TUSC3: variants seen among roughly 807,000 people sequenced by gnomAD.
The protein encoded by TUSC3 is tumor suppressor candidate 3.
Under a neutral mutation model 44.8 loss-of-function variants are expected in TUSC3, and 45 were observed. The observed-to-expected ratio is 1.00, with a 90% CI of 0.79 to 1.29. The LOEUF is 1.29. Ranked by LOEUF, TUSC3 falls within the 50% of genes most tolerant of loss-of-function variation. TUSC3 has a pLI of 0.00. For missense variants in TUSC3, 519 were observed against 437.9 expected (o/e 1.19, Z -1.65); for synonymous variants, 212 against 152.9 (o/e 1.39, Z -2.85).
chr8:15,543,317 A>G lies in TUSC3; in HGVS notation c.138+2749A>G, dbSNP rs181853559. On this transcript the variant is annotated intron_variant, in intron 1 of 10. Transcript: ENST00000503731. Reference sequence around the variant, plus strand: ...TTTCTTCCTTCTAGAGGGGAAGCCAAACTGAAGTCTTAAGTTGAGCCTGCA... The same window carrying G: ...TTTCTTCCTTCTAGAGGGGAAGCCAGACTGAAGTCTTAAGTTGAGCCTGCA... 1.8e-3 allele frequency among the ~76,000 whole-genome samples: 270 copies of G among 152,294 alleles called. 5 individuals carry two copies. The highest frequency in any genetic ancestry group is 1.0e-4 in the Non-Finnish European group (7 of 68,032).
chr8:15,647,725 G>A (rs947306540), intron 2 of TUSC3, among the ~76,000 whole-genome samples: 3 of 152,008 alleles, frequency 2.0e-5, no homozygotes, highest in African/African-American at 7.2e-5. Flanking sequence ...AGAATTTGGG[G>A]TCTAATTTCA....
chr8:15,491,190 G>T (rs544441311), intron 2 of TUSC3, among the ~76,000 whole-genome samples: 1 of 151,612 alleles, frequency 6.6e-6, no homozygotes, highest in Non-Finnish European at 1.5e-5. Context: ...TCAGTAGAGT[G>T]AAGGGATGAC....
chr8:15,693,465 T>TTA (rs1554476400), intron 6 of TUSC3, among the ~76,000 whole-genome samples: 5 of 143,388 alleles, frequency 3.5e-5, no homozygotes, highest in African/African-American at 5.3e-5. Flanking sequence ...TTTTTTTTTT[T>TTA]AAAGAATGCT....
chr8:15,480,375 C>G (rs1387933508), intron 1 of TUSC3, among the ~76,000 whole-genome samples: 3 of 152,150 alleles, frequency 2.0e-5, no homozygotes, highest in Non-Finnish European at 4.4e-5. Flanking sequence ...TGAACATATG[C>G]TATACTTGAC....
At chr8:15,623,492 A>G (rs927151219) in intron 2 of TUSC3, among the ~76,000 whole-genome samples, 2 of 152,114 alleles carry the variant, frequency 1.3e-5, no homozygotes, top group East Asian at 1.9e-4. Flanking sequence ...CCGTTTTATC[A>G]TCTTGATATC....
At chr8:15,572,497 C>G (rs1358310068) in intron 1 of TUSC3, among the ~76,000 whole-genome samples, 1 of 152,144 alleles carries the variant, frequency 6.6e-6, no homozygotes, top group East Asian at 1.9e-4. Flanking sequence ...GGCTGTTTTG[C>G]TTTCTTACCA....
chr8:15,725,215 ATAAT>A (rs1189859498), intron 6 of TUSC3, among the ~76,000 whole-genome samples: 2 of 152,150 alleles, frequency 1.3e-5, no homozygotes, highest in African/African-American at 2.4e-5. Context: ...TAAAAGAGAA[ATAAT>A]TAATTTTAAC....
At chr8:15,716,711 C>A (rs181448127) in intron 6 of TUSC3, among the ~76,000 whole-genome samples, 1 of 151,654 alleles carries the variant, frequency 6.6e-6, no homozygotes, top group African/African-American at 2.4e-5. Context: ...AACTGCTTAC[C>A]GAAAAAGAAA....
intron 2 of TUSC3, among the ~76,000 whole-genome samples, chr8:15,517,447 C>T (rs1376631389): frequency 7.3e-6 from 1 of 136,978 alleles, no homozygotes; most frequent in Non-Finnish European, 1.5e-5. Flanking sequence ...TACATCTATA[C>T]ACCTACTAGG....
intron 6 of TUSC3, among the ~76,000 whole-genome samples, chr8:15,675,986 T>G (rs1808172256): frequency 6.6e-6 from 1 of 152,172 alleles, no homozygotes; most frequent in Non-Finnish European, 1.5e-5. Context: ...TAGTTCTATC[T>G]TAAGTTCTTT....
At chr8:15,487,642 G>C (rs1054319119) in intron 2 of TUSC3, among the ~76,000 whole-genome samples, 1 of 152,130 alleles carries the variant, frequency 6.6e-6, no homozygotes, top group African/African-American at 2.4e-5. Flanking sequence ...TTTTAGCTGA[G>C]CATTCAAATT....
chr8:15,759,231 G>C (rs1317036339), intron 10 of TUSC3, among the ~76,000 whole-genome samples: 1 of 152,014 alleles, frequency 6.6e-6, no homozygotes, highest in African/African-American at 2.4e-5. Context: ...GATACCAAAT[G>C]AAATCTGAGC....
At chr8:15,422,632 G>A (rs551901856) in intron 1 of TUSC3, among the ~76,000 whole-genome samples, 1 of 151,954 alleles carries the variant, frequency 6.6e-6, no homozygotes, top group East Asian at 1.9e-4. Context: ...TCTAGTTTTT[G>A]GTTGATTGGT....
intron 2 of TUSC3, among the ~76,000 whole-genome samples, chr8:15,502,442 T>A (rs901416339): frequency 6.6e-6 from 1 of 152,196 alleles, no homozygotes; most frequent in African/African-American, 2.4e-5. Context: ...TTATTAGAGC[T>A]CCTATGTCGG....
At chr8:15,508,750 C>T (rs1373160534) in intron 2 of TUSC3, among the ~76,000 whole-genome samples, 5 of 152,052 alleles carry the variant, frequency 3.3e-5, no homozygotes, top group South Asian at 2.1e-4. Flanking sequence ...CGTAAGCCAC[C>T]GCACCTGTCC....
the TUSC3 span, among the ~76,000 whole-genome samples, chr8:15,817,086 G>A: frequency 6.6e-5 from 10 of 152,122 alleles, no homozygotes; most frequent in Non-Finnish European, 1.0e-4. Context: ...GTACAGTCTG[G>A]TCGTTATCTA....
intron 1 of TUSC3, among the ~76,000 whole-genome samples, chr8:15,574,911 C>T (rs1244821118): frequency 2.0e-5 from 3 of 152,012 alleles, no homozygotes; most frequent in Non-Finnish European, 4.4e-5. Context: ...AGGAGTGTCT[C>T]CTGCTGTGAA....
At position 15,748,363 on chromosome 8, in the gene TUSC3, G is replaced by A; in HGVS notation, c.938-12G>A. 1 of 1,601,552 alleles carries A rather than the reference G, an allele frequency of 6.2e-7. No individual in the cohort carries two copies. Among genetic ancestry groups the A allele is most frequent in the Admixed American group, 1.7e-5 (1 of 59,946 alleles). The stretch of plus-strand genomic sequence containing the variant: ...TTTTTAGACACTAATGGTATTTTCT[G>A]TCTGTTTCTAGTAATTTGCCTAGTG... On this transcript the variant is annotated splice_polypyrimidine_tract_variant and intron_variant, in intron 8 of 10. Transcript: ENST00000503731.
chr8:15,788,649 A>T, the TUSC3 span, among the ~76,000 whole-genome samples: 26 of 152,214 alleles, frequency 1.7e-4, no homozygotes, highest in Non-Finnish European at 1.5e-4. Context: ...GCTGATGGAA[A>T]CATAAAGGAA....
Sources: gnomAD v4.1 joint callset for allele counts (sites outside exome capture counted in the v4.1 genomes callset) on GRCh38, gnomAD v4.1.1 for gene constraint, MANE v1.5 for transcripts, NCBI Gene and HGNC (gene_info 2026-07-23, HGNC 2026-07-21) for gene names.